NRG1: variants seen among roughly 807,000 people sequenced by gnomAD.
The protein encoded by NRG1 is neuregulin 1.
A neutral mutation model predicts 63.8 loss-of-function variants in NRG1; 18 were observed. The ratio of observed to expected loss-of-function variants is 0.28; its 90% CI spans 0.19 to 0.42. NRG1 has a LOEUF of 0.42. Ranked by LOEUF, NRG1 falls within the 10% of genes least tolerant of loss-of-function variation. The pLI is 1.00. For synonymous variants in NRG1, 302 were observed against 301.3 expected (o/e 1.00, Z -0.02); for missense variants, 762 against 814.7 (o/e 0.94, Z 0.79).
At chr8:32,510,317 G>T (rs1829026457) in intron 1 of NRG1, among the ~76,000 whole-genome samples, 1 of 151,758 alleles carries the variant, frequency 6.6e-6, no homozygotes, top group Non-Finnish European at 1.5e-5. Flanking sequence ...AGCCATGTTT[G>T]TGCTGCTGCA....
intron 1 of NRG1, among the ~76,000 whole-genome samples, chr8:31,898,769 T>G (rs1831817038): frequency 1.3e-5 from 2 of 152,196 alleles, no homozygotes. Context: ...CAGGTAAAGA[T>G]GATGGGACAG....
intron 5 of NRG1, among the ~76,000 whole-genome samples, chr8:32,659,129 ATCTTT>A (rs1202768080): frequency 1.4e-5 from 2 of 145,038 alleles, no homozygotes; most frequent in Admixed American, 1.5e-4. Context: ...GCAGTAATAA[ATCTTT>A]TCTTTTCTTT....
rs567247219 is a variant in NRG1, at chr8:31,962,740, G to A, written c.37+323309G>A. On this transcript the variant is annotated intron_variant, in intron 1 of 10. Coordinates refer to the NRG1 transcript ENST00000519301. The stretch of plus-strand genomic sequence containing the variant: ...TCCTGTTTCTTCCCAGGACTGCTGG[G>A]TATAAGCCTAGAGTTGCCTGCCATT... Among the ~76,000 whole-genome samples, 275 of 152,244 alleles carry A rather than the reference G, an allele frequency of 1.8e-3. 1 individual carries two copies. The highest frequency in any genetic ancestry group is 6.3e-3 in the African/African-American group (261 of 41,540).
At chr8:32,122,959 T>C (rs1250867822) in intron 1 of NRG1, among the ~76,000 whole-genome samples, 3 of 151,928 alleles carry the variant, frequency 2.0e-5, no homozygotes, top group Non-Finnish European at 4.4e-5. Context: ...TAAGGAAATG[T>C]GGCACATATA....
intron 1 of NRG1, among the ~76,000 whole-genome samples, chr8:31,822,691 A>T (rs1824118517): frequency 6.6e-6 from 1 of 152,164 alleles, no homozygotes; most frequent in South Asian, 2.1e-4. Context: ...CCAGATACAG[A>T]CTTAGGTTTT....
At position 32,631,938 on chromosome 8, in the gene NRG1, A is replaced by G. The variant is rs186181951; in HGVS notation, c.502+15053A>G. Among the ~76,000 whole-genome samples the G allele has an allele frequency of 5.9e-5, 9 of 152,302 alleles. No homozygotes were observed. In the East Asian group the frequency reaches 1.4e-3, roughly 23 times the overall value. On this transcript the variant is annotated intron_variant, in intron 5 of 11. Coordinates refer to ENST00000356819, the Ensembl canonical transcript of NRG1. The stretch of plus-strand genomic sequence containing the variant: ...AATAGCAACAAGATCTTTGTTTAAC[A>G]TAATATCTAATGCTCCATGTAACTT...
At chr8:32,162,178 C>A (rs1838904445) in intron 1 of NRG1, among the ~76,000 whole-genome samples, 1 of 152,190 alleles carries the variant, frequency 6.6e-6, no homozygotes, top group African/African-American at 2.4e-5. Context: ...CATGGCAAGA[C>A]TTCTCTTTAT....
intron 1 of NRG1, among the ~76,000 whole-genome samples, chr8:31,902,691 A>G (rs1453731788): frequency 1.3e-5 from 2 of 152,236 alleles, no homozygotes; most frequent in East Asian, 3.8e-4. Flanking sequence ...TTTGTGTGCA[A>G]TATCCAGAAA....
intron 1 of NRG1, among the ~76,000 whole-genome samples, chr8:31,947,329 A>T (rs1203256792): frequency 6.6e-6 from 1 of 150,946 alleles, no homozygotes; most frequent in Non-Finnish European, 1.5e-5. Flanking sequence ...AAAAAAAAAA[A>T]AAAGAATGGA....
At chr8:31,857,415 G>A (rs1368467624) in intron 1 of NRG1, among the ~76,000 whole-genome samples, 4 of 152,232 alleles carry the variant, frequency 2.6e-5, no homozygotes, top group African/African-American at 4.8e-5. Flanking sequence ...CTAGGAAAGG[G>A]AACTCCCTGA....
At chr8:32,497,892 C>T (rs529759598) in intron 1 of NRG1, among the ~76,000 whole-genome samples, 4 of 152,154 alleles carry the variant, frequency 2.6e-5, no homozygotes, top group Non-Finnish European at 4.4e-5. Flanking sequence ...GGCACGATCT[C>T]GGCTCACCAC....
chr8:32,512,240 T>A (rs34611843), intron 1 of NRG1, among the ~76,000 whole-genome samples: 8,031 of 152,302 alleles, frequency 0.053, 285 homozygotes, highest in Middle Eastern at 0.085. Context: ...ACAATATACA[T>A]GTAGAATAAA....
chr8:32,622,399 T>C (rs1848492664), intron 5 of NRG1, among the ~76,000 whole-genome samples: 1 of 152,150 alleles, frequency 6.6e-6, no homozygotes, highest in Non-Finnish European at 1.5e-5. Context: ...TCTTTTCTGT[T>C]CTGTTCTTTT....
intron 3 of NRG1, among the ~76,000 whole-genome samples, chr8:32,607,071 G>A (rs933368907): frequency 6.6e-6 from 1 of 152,104 alleles, no homozygotes; most frequent in South Asian, 2.1e-4. Flanking sequence ...AAGGAGAGCA[G>A]GGAAAAGGAG....
intron 1 of NRG1, among the ~76,000 whole-genome samples, chr8:31,742,008 A>G (rs1023713410): frequency 6.6e-6 from 1 of 152,074 alleles, no homozygotes; most frequent in African/African-American, 2.4e-5. Flanking sequence ...AGTGCTATAC[A>G]GCTGTTAAAA....
At chr8:31,782,091 A>G (rs1197263469) in intron 1 of NRG1, among the ~76,000 whole-genome samples, 1 of 152,070 alleles carries the variant, frequency 6.6e-6, no homozygotes, top group Non-Finnish European at 1.5e-5. Context: ...TTCAGTGACT[A>G]TTAGAACTTA....
chr8:32,035,308 TTTG>T (rs1368061190), intron 1 of NRG1, among the ~76,000 whole-genome samples: 1 of 152,122 alleles, frequency 6.6e-6, no homozygotes, highest in Non-Finnish European at 1.5e-5. Flanking sequence ...TAAGAGACTG[TTTG>T]TTGTTATTTC....
chr8:31,816,150 TG>T (rs1174240735), intron 1 of NRG1, among the ~76,000 whole-genome samples: 1 of 152,236 alleles, frequency 6.6e-6, no homozygotes. Context: ...TGATTGCTTA[TG>T]TTTAGCAAAT....
At chr8:32,076,434 G>T (rs1430280136) in intron 1 of NRG1, among the ~76,000 whole-genome samples, 1 of 7,936 alleles carries the variant, frequency 1.3e-4, no homozygotes, top group African/African-American at 1.3e-4. Context: ...TAATTCTGGG[G>T]TGTTTCAGCA....
Sources: gnomAD v4.1 joint callset for allele counts (sites outside exome capture counted in the v4.1 genomes callset) on GRCh38, gnomAD v4.1.1 for gene constraint, MANE v1.5 for transcripts, NCBI Gene and HGNC (gene_info 2026-07-23, HGNC 2026-07-21) for gene names.